Variants in FNDC1 observed in about 807,000 individuals in gnomAD.
FNDC1 encodes fibronectin type III domain-containing protein 1.
A neutral mutation model predicts 168.0 loss-of-function variants in FNDC1; 96 were observed. That is an observed-to-expected ratio of 0.57 (90% confidence interval 0.48 to 0.68). The LOEUF is 0.68. Ranked by LOEUF, FNDC1 falls within the 30% of genes least tolerant of loss-of-function variation. The pLI, the probability that FNDC1 is intolerant of heterozygous loss-of-function variation, is 0.00. For missense variants in FNDC1, 2,587 were observed against 2,482.1 expected, an observed-to-expected ratio of 1.04 and a Z score of -0.90; for synonymous variants, 1,099 against 1,025.9, an observed-to-expected ratio of 1.07 and a Z score of -1.36.
intron 1 of FNDC1, among the ~76,000 whole-genome samples, chr6:159,185,805 G>A (rs1345699963): frequency 3.9e-5 from 6 of 152,176 alleles, no homozygotes; most frequent in African/African-American, 1.2e-4. Context: ...TAGCTGCAAG[G>A]GAAGCTGAAA....
At chr6:159,186,100 G>A (rs1299583551) in intron 1 of FNDC1, among the ~76,000 whole-genome samples, 4 of 152,164 alleles carry the variant, frequency 2.6e-5, no homozygotes, top group African/African-American at 9.7e-5. Flanking sequence ...TTGAGAGTTT[G>A]ATTTTAGTTT....
Position 159,239,804 on chromosome 6 carries a change from A to G in FNDC1, c.4468A>G (p.Thr1490Ala), listed in dbSNP as rs1783372867. 6.5e-7 allele frequency: 1 copy of G among 1,545,776 alleles called. No individual in the cohort carries two copies. Among genetic ancestry groups the G allele is most frequent in the East Asian group, 2.4e-5 (1 of 40,842 alleles). ...RRTTTRRPTTTVRTTTRTTTT... is the reference protein window; with the variant it reads ...RRTTTRRPTTAVRTTTRTTTT... ...CACGACCACCAGGCGTCCAACAACC[A>G]CAGTCCGAACCACTACGCGGACAAC... The change falls in exon 14 of 23, where the codon ACA becomes GCA. Residue 1490 changes from threonine (T) to alanine (A), a missense_variant. Physicochemically the swap from Thr to Ala is moderately conservative, Grantham distance 58 (BLOSUM62 0). Transcript: ENST00000297267.
chr6:159,226,671 G>A lies in FNDC1; in HGVS notation c.1180+91G>A, dbSNP rs544130251. 236 of 976,760 alleles carry A rather than the reference G, an allele frequency of 2.4e-4. 2 individuals are homozygous for A. The highest frequency in any genetic ancestry group is 1.7e-3 in the East Asian group (61 of 36,562). The allele number at this position is 976,760 out of a possible 1,614,324, so 60.5% of individuals were successfully genotyped here. A position where few individuals can be genotyped will look rare whatever the true frequency, so the allele number is the denominator to read the frequency against. ...CTTTGTTGACTGAAAAAGAAATAGG[G>A]AAGCAACATATGTCTAAGAGGTGCT... On this transcript the variant is annotated intron_variant, in intron 9 of 22. Coordinates refer to ENST00000297267, the MANE Select transcript of FNDC1 (RefSeq NM_032532.3).
chr6:159,251,880 G>T (rs1162354619), intron 17 of FNDC1, among the ~76,000 whole-genome samples: 1 of 152,094 alleles, frequency 6.6e-6, no homozygotes, highest in Non-Finnish European at 1.5e-5. Flanking sequence ...CTTGCAAATG[G>T]CCAGGGGGTC....
chr6:159,266,378 T>C (rs1777593575), intron 21 of FNDC1, 133 bp downstream of exon 21: 1 of 915,282 alleles, frequency 1.1e-6, no homozygotes, highest in Non-Finnish European at 1.7e-6. Flanking sequence ...CTGCCTCTAA[T>C]ACAAACCAAT....
intron 18 of FNDC1, among the ~76,000 whole-genome samples, chr6:159,258,979 T>C (rs1777426148): frequency 6.6e-6 from 1 of 152,226 alleles, no homozygotes; most frequent in Non-Finnish European, 1.5e-5. Context: ...GATCTTGCTT[T>C]TGACTTTAAG....
intron 22 of FNDC1, among the ~76,000 whole-genome samples, chr6:159,268,821 C>CATTA (rs200940694): frequency 6.9e-6 from 1 of 145,962 alleles, no homozygotes; most frequent in Non-Finnish European, 1.5e-5. Flanking sequence ...TCTATCTATT[C>CATTA]ATCTATCTAT....
At chr6:159,249,371 A>T (rs1777208570) in intron 16 of FNDC1, among the ~76,000 whole-genome samples, 189 bp downstream of exon 16, 1 of 152,246 alleles carries the variant, frequency 6.6e-6, no homozygotes, top group African/African-American at 2.4e-5. Flanking sequence ...TTTCTGCCAA[A>T]ATCAGAAGAG....
At chr6:159,224,101 C>T (rs371143563) in intron 7 of FNDC1, among the ~76,000 whole-genome samples, 4 of 152,200 alleles carry the variant, frequency 2.6e-5, no homozygotes, top group African/African-American at 4.8e-5. Context: ...CCTTACACTT[C>T]GTAGTTCCTC....
intron 6 of FNDC1, among the ~76,000 whole-genome samples, chr6:159,222,134 A>G (rs1223365307): frequency 1.3e-5 from 2 of 152,246 alleles, no homozygotes; most frequent in Non-Finnish European, 1.5e-5. Flanking sequence ...CAGAAAAAGC[A>G]TCATAGTGGT....
intron 22 of FNDC1, among the ~76,000 whole-genome samples, chr6:159,268,825 TATCTATCTATCTATCTATC>T (rs1777646936): frequency 1.3e-4 from 4 of 30,734 alleles, no homozygotes; most frequent in Admixed American, 1.2e-3. Flanking sequence ...TCTATTCATC[TATCTATCTATCTATCTATC>T]TATCTATCTA....
chr6:159,238,796 A>G (rs1490519850), intron 13 of FNDC1, 131 bp downstream of exon 13: 2 of 637,672 alleles, frequency 3.1e-6, no homozygotes, highest in African/African-American at 3.7e-5. Flanking sequence ...TGTGAGAAGA[A>G]GAGCCTCAAA....
At chr6:159,260,201 G>GT (rs1270121857) in intron 18 of FNDC1, among the ~76,000 whole-genome samples, 5 of 152,290 alleles carry the variant, frequency 3.3e-5, no homozygotes, top group Admixed American at 2.6e-4. Context: ...CTCTTCATCT[G>GT]TAAGTAGCTA....
At chr6:159,176,782 G>A (rs932698921) in intron 1 of FNDC1, among the ~76,000 whole-genome samples, 4 of 152,178 alleles carry the variant, frequency 2.6e-5, no homozygotes, top group African/African-American at 9.7e-5. Flanking sequence ...GCCAATCCCA[G>A]TACTGCATGA....
chr6:159,236,615 A>G (rs1783266044), intron 12 of FNDC1, among the ~76,000 whole-genome samples: 1 of 152,212 alleles, frequency 6.6e-6, no homozygotes, highest in Non-Finnish European at 1.5e-5. Context: ...TTATAGACCC[A>G]ATGGATGGCC....
At position 159,184,998 on chromosome 6, in the gene FNDC1, A is replaced by G. The variant is rs569190199; in HGVS notation, c.110-12433A>G. Among the ~76,000 whole-genome samples, 3 of 132,454 alleles carry G rather than the reference A, an allele frequency of 2.3e-5. No homozygotes were observed. In the South Asian group the frequency reaches 7.1e-4, roughly 31 times the overall value. The allele number at this position is 132,454 out of a possible 152,430, so 86.9% of individuals were successfully genotyped here. A position where few individuals can be genotyped will look rare whatever the true frequency, so the allele number is the denominator to read the frequency against. ...TTTCTTATGATTGTTATAAATAAAT[A>G]TACTTATGGAATTCCTCCAGTTCCA... On this transcript the variant is annotated intron_variant, in intron 1 of 22. Coordinates refer to ENST00000297267, the MANE Select transcript of FNDC1 (RefSeq NM_032532.3).
In FNDC1 at chr6:159,238,241, G is replaced by C. The variant is rs1312097285; in HGVS notation, c.4069-313G>C. Among the ~76,000 whole-genome samples, 3 of 152,102 alleles carry C rather than the reference G, an allele frequency of 2.0e-5. No homozygotes were observed. The East Asian group carries it at 5.8e-4, about 29-fold the overall frequency. On this transcript the variant is annotated intron_variant, in intron 12 of 22. Transcript: ENST00000297267. ...GCCTCCTGAGTAGCTGGGACTACAA[G>C]CGCCCGCCACCGCGCCTGGCTATTT...
At chr6:159,198,392 G>T (rs1218419308) in intron 2 of FNDC1, among the ~76,000 whole-genome samples, 4 of 152,094 alleles carry the variant, frequency 2.6e-5, no homozygotes, top group Non-Finnish European at 5.9e-5. Flanking sequence ...CCTCAGCTTT[G>T]GTCCCCTGAC....
chr6:159,244,451 G>C (rs1222571861), intron 14 of FNDC1, among the ~76,000 whole-genome samples: 1 of 152,152 alleles, frequency 6.6e-6, no homozygotes, highest in Admixed American at 6.5e-5. Context: ...CCATCTCTTG[G>C]GCCTCAGAAT....
Sources: gnomAD v4.1 joint callset for allele counts (sites outside exome capture counted in the v4.1 genomes callset) on GRCh38, gnomAD v4.1.1 for gene constraint, MANE v1.5 for transcripts, NCBI Gene and HGNC (gene_info 2026-07-23, HGNC 2026-07-21) for gene names.